Variants in C11orf16 observed in about 807,000 individuals in gnomAD.
C11orf16 encodes chromosome 11 open reading frame 16, also known as uncharacterized protein C11orf16.
Under a neutral mutation model 45.1 loss-of-function variants are expected in C11orf16, and 38 were observed. The ratio of observed to expected loss-of-function variants is 0.84; its 90% CI spans 0.65 to 1.10. C11orf16 has a LOEUF of 1.10. C11orf16 is among the 50% of genes least tolerant of loss of function. C11orf16 has a pLI of 0.00. For synonymous variants in C11orf16, 221 were observed against 222.0 expected, an observed-to-expected ratio of 1.00 and a Z score of 0.04; for missense variants, 583 against 569.5, an observed-to-expected ratio of 1.02 and a Z score of -0.24.
At chr11:8,924,881 A>T (rs2064599338) in intron 5 of C11orf16, among the ~76,000 whole-genome samples, 1 of 152,238 alleles carries the variant, frequency 6.6e-6, no homozygotes, top group Non-Finnish European at 1.5e-5. Context: ...CACAGTTCTC[A>T]GCTGGAGGCG....
At position 8,926,948 on chromosome 11, in the gene C11orf16, G is replaced by A. The variant is rs778432034; in HGVS notation, c.551C>T (p.Pro184Leu). The A allele has an allele frequency of 1.9e-6, 3 of 1,613,080 alleles. 1 individual carries two copies. In the South Asian group the frequency reaches 3.3e-5, roughly 18 times the overall value. The change falls in exon 4 of 7, where the codon CCC becomes CTC. Residue 184 changes from proline (P) to leucine (L), a missense_variant. Coordinates refer to ENST00000326053, the MANE Select transcript of C11orf16 (RefSeq NM_020643.3). ...AGAGCAGCTTCTCTTACCTCTCTGG[G>A]GATCTCTCATCTCCAAGCCCAAAAG... ...TVLLGLEMRD[P>L]QRASKEKEIT...
intron 2 of C11orf16, 132 bp from the exon 3 acceptor site, chr11:8,929,665 G>A: frequency 2.2e-6 from 2 of 906,206 alleles, no homozygotes; most frequent in Non-Finnish European, 3.2e-6. Context: ...CATATGGAAA[G>A]TGGCAATCTA....
intron 3 of C11orf16, chr11:8,929,138 A>G (rs2064633878): frequency 4.6e-6 from 2 of 434,408 alleles, no homozygotes; most frequent in South Asian, 4.7e-5. Context: ...TCCAGCCTCC[A>G]GAAATGGGAG....
Position 8,929,471 on chromosome 11 carries a change from A to G in C11orf16, c.230T>C (p.Leu77Pro). Residue 77 changes from leucine to proline, a missense_variant, in exon 3 of 7, where the codon CTG (leucine) becomes CCG (proline). Leu to Pro is a moderately conservative substitution (Grantham distance 98). Transcript: ENST00000326053. Reference protein sequence around the residue: ...ADPAWQGPGWLGRAGDAANTW... With the variant: ...ADPAWQGPGWPGRAGDAANTW... Reference sequence around the variant, plus strand: ...GTTGGCAGCATCTCCAGCTCTTCCCAGCCAGCCAGGCCCCTGCCATGCTGG... The same window carrying G: ...GTTGGCAGCATCTCCAGCTCTTCCCGGCCAGCCAGGCCCCTGCCATGCTGG... 1.2e-6 allele frequency: 2 copies of G among 1,614,134 alleles called. No individual in the cohort carries two copies. The highest frequency in any genetic ancestry group is 1.7e-6 in the Non-Finnish European group (2 of 1,180,006).
chr11:8,930,208 C>G (rs1435090051), intron 2 of C11orf16, among the ~76,000 whole-genome samples: 1 of 151,940 alleles, frequency 6.6e-6, no homozygotes, highest in Non-Finnish European at 1.5e-5. Flanking sequence ...ATGGGCGGAT[C>G]ACGAGGTCAA....
intron 5 of C11orf16, among the ~76,000 whole-genome samples, chr11:8,924,526 TCAAAA>T (rs1391977923): frequency 7.2e-6 from 1 of 138,568 alleles, no homozygotes; most frequent in African/African-American, 2.9e-5. Flanking sequence ...ACTCTTTGTC[TCAAAA>T]CAACAACAAC....
chr11:8,929,298 G>A lies in C11orf16; in HGVS notation c.324+79C>T, dbSNP rs560209218. 6.2e-6 allele frequency: 9 copies of A among 1,450,592 alleles called. No homozygotes were observed. The South Asian group carries it at 9.3e-5, about 15-fold the overall frequency. 89.9% of individuals were successfully genotyped at this position (1,450,592 alleles called of 1,614,324 possible). On this transcript the variant is annotated intron_variant, in intron 3 of 6. Transcript: ENST00000326053. Reference sequence around the variant, plus strand: ...TATGCAAGAAACCAGCCTGCTAGATGTACACAGCTAAGGCATGTCAGGTAT... The same window carrying A: ...TATGCAAGAAACCAGCCTGCTAGATATACACAGCTAAGGCATGTCAGGTAT...
intron 2 of C11orf16, among the ~76,000 whole-genome samples, chr11:8,931,272 C>T (rs905018642): frequency 1.3e-5 from 2 of 151,704 alleles, no homozygotes; most frequent in East Asian, 1.9e-4. Flanking sequence ...TCCCTAGGCT[C>T]GAGCGCAGTG....
chr11:8,923,478 T>A (rs2064588045), intron 5 of C11orf16, among the ~76,000 whole-genome samples: 2 of 152,094 alleles, frequency 1.3e-5, no homozygotes, highest in African/African-American at 4.8e-5. Context: ...GCATGAAAAC[T>A]CTAGAGTTCG....
Position 8,925,769 on chromosome 11 carries a change from C to A in C11orf16, c.898G>T (p.Glu300Ter), listed in dbSNP as rs749664794. ...TCTGGAAGTTCTCTGGCCATGACTT[C>A]TGAGGTCCTGGTTAGAGGCCACCAA... ...TTWWPLTRTS[E>*]VMARELPELE... Residue 300 changes from glutamate (E) to a stop codon, truncating the protein, a stop_gained, in exon 5 of 7, where the codon GAA (glutamate) becomes TAA (stop). Coordinates refer to ENST00000326053, the MANE Select transcript of C11orf16 (RefSeq NM_020643.3). LOFTEE classifies it high-confidence loss of function. 2 of 1,614,250 alleles carry A rather than the reference C, an allele frequency of 1.2e-6. No homozygotes were observed. Among genetic ancestry groups the A allele is most frequent in the Non-Finnish European group, 8.5e-7 (1 of 1,180,044 alleles).
intron 5 of C11orf16, among the ~76,000 whole-genome samples, chr11:8,921,893 A>T (rs1267241951): frequency 6.6e-6 from 1 of 152,190 alleles, no homozygotes; most frequent in African/African-American, 2.4e-5. Context: ...CTCCAGCCTC[A>T]GCCTCCCAAA....
In C11orf16 at chr11:8,929,482, C is replaced by T; in HGVS notation, c.219G>A (p.Gly73=). 1.9e-6 allele frequency: 3 copies of T among 1,614,152 alleles called. No individual in the cohort carries two copies. The highest frequency in any genetic ancestry group is 2.5e-6 in the Non-Finnish European group (3 of 1,180,024). Reference sequence around the variant, plus strand: ...CTCCAGCTCTTCCCAGCCAGCCAGGCCCCTGCCATGCTGGGTCGGCAACGT... The same window carrying T: ...CTCCAGCTCTTCCCAGCCAGCCAGGTCCCTGCCATGCTGGGTCGGCAACGT... ...CLHVADPAWQ[G]PGWLGRAGDA... is the part of the protein sequence containing the mutation. The change falls in exon 3 of 7, where the codon GGG becomes GGA. Residue 73 remains glycine, a synonymous_variant. Coordinates refer to ENST00000326053, the MANE Select transcript of C11orf16 (RefSeq NM_020643.3).
rs374639463 is a variant in C11orf16, at chr11:8,925,980, G to C, written c.687C>G (p.Phe229Leu). The change falls in exon 5 of 7, where the codon TTC becomes TTG. Residue 229 changes from phenylalanine to leucine, a missense_variant. Physicochemically the swap from Phe to Leu is conservative, Grantham distance 22 (BLOSUM62 0). Coordinates refer to ENST00000326053, the MANE Select transcript of C11orf16 (RefSeq NM_020643.3). ...GAAGGGGCCTGGGGTGCTCCCTGGT[G>C]AAAGACTTGTGCAGCCTCTCCACAG... ...KKAVERLHKSFTREHPRPLHW... is the reference protein window; with the variant it reads ...KKAVERLHKSLTREHPRPLHW... 1.5e-5 allele frequency: 25 copies of C among 1,613,990 alleles called. No homozygotes were observed. The African/African-American group carries it at 2.0e-4, about 13-fold the overall frequency.
chr11:8,929,443 T>A lies in C11orf16; in HGVS notation c.258A>T (p.Thr86=). Residue 86 remains threonine, a synonymous_variant, in exon 3 of 7, where the codon ACA becomes ACT. Transcript: ENST00000326053. Reference sequence around the variant, plus strand: ...CTGCTTCCCTTCTTGCTAGGACCCATGTGTTGGCAGCATCTCCAGCTCTTC... The same window carrying A: ...CTGCTTCCCTTCTTGCTAGGACCCAAGTGTTGGCAGCATCTCCAGCTCTTC... ...WLGRAGDAAN[T]WVLARREADG... is the part of the protein sequence containing the mutation. 1 of 1,614,076 alleles carries A rather than the reference T, an allele frequency of 6.2e-7. No individual in the cohort carries two copies. The highest frequency in any genetic ancestry group is 8.5e-7 in the Non-Finnish European group (1 of 1,180,010).
chr11:8,921,629 A>G (rs1351002522), intron 5 of C11orf16, 114 bp from the exon 6 acceptor site: 1 of 998,284 alleles, frequency 1.0e-6, no homozygotes, highest in Non-Finnish European at 1.5e-6. Flanking sequence ...TTTTCTTTTC[A>G]TTTATTATGT....
Position 8,925,488 on chromosome 11 carries a change from C to T in C11orf16, c.1179G>A (p.Gly393=), listed in dbSNP as rs1215083209. The change falls in exon 5 of 7, where the codon GGG becomes GGA. Residue 393 remains glycine, a synonymous_variant. Transcript: ENST00000326053. ...QPEWRYWKRN[G]PEPCLGKPGT... ...CTGGCTTCCCAAGGCATGGCTCAGG[C>T]CCGTTTCTCTTCCAATACCTCCACT... 1 of 1,613,984 alleles carries T rather than the reference C, an allele frequency of 6.2e-7. No individual in the cohort carries two copies.
In C11orf16 at chr11:8,927,183, A is replaced by G. The variant is rs2134836003; in HGVS notation, c.325-9T>C. On this transcript the variant is annotated splice_polypyrimidine_tract_variant and intron_variant, in intron 3 of 6. Coordinates refer to ENST00000326053, the MANE Select transcript of C11orf16 (RefSeq NM_020643.3). The stretch of plus-strand genomic sequence containing the variant: ...ACCCCCTGTCTCTCCAGCTGTGGGA[A>G]AGAAAACACTCAGAATAAGACCTGG... 1.2e-6 allele frequency: 2 copies of G among 1,604,982 alleles called. No individual in the cohort carries two copies. The highest frequency in any genetic ancestry group is 4.5e-5 in the East Asian group (2 of 44,776).
At chr11:8,924,697 T>C (rs1283869027) in intron 5 of C11orf16, among the ~76,000 whole-genome samples, 3 of 152,140 alleles carry the variant, frequency 2.0e-5, no homozygotes, top group Non-Finnish European at 4.4e-5. Flanking sequence ...TTCCTTCACC[T>C]CACAGCCTCC....
At chr11:8,930,307 T>C (rs1175198809) in intron 2 of C11orf16, among the ~76,000 whole-genome samples, 1 of 151,406 alleles carries the variant, frequency 6.6e-6, no homozygotes, top group Non-Finnish European at 1.5e-5. Flanking sequence ...GTGCCTGTAG[T>C]CTCAGCTACT....
Sources: allele counts gnomAD v4.1 joint callset (sites outside exome capture counted in the v4.1 genomes callset), GRCh38; gene constraint gnomAD v4.1.1; transcripts MANE v1.5; gene names NCBI Gene and HGNC (gene_info 2026-07-23, HGNC 2026-07-21).